Variants in BCL6 observed in about 807,000 individuals in gnomAD.
The protein encoded by BCL6 is BCL6 transcription repressor, also known as B-cell lymphoma 6 protein.
BCL6 carries 7 observed loss-of-function variants against 59.5 expected under a neutral mutation model. The observed-to-expected ratio is 0.12, with a 90% CI of 0.07 to 0.22. BCL6 has a LOEUF of 0.22. Among genes scored for constraint, BCL6 ranks in the 10% least tolerant of loss-of-function variants. BCL6 has a pLI of 1.00. For synonymous variants in BCL6, 339 were observed against 349.7 expected (o/e 0.97, Z 0.34); for missense variants, 685 against 939.4 (o/e 0.73, Z 3.54).
At chr3:187,745,053 A>C in intron 1 of BCL6, among the ~76,000 whole-genome samples, 1 of 151,702 alleles carries the variant, frequency 6.6e-6, no homozygotes, top group East Asian at 1.9e-4. Context: ...CTCCTTTCCA[A>C]AAACCAAAAC....
At chr3:187,744,517 A>G (rs1711787317) in intron 1 of BCL6, among the ~76,000 whole-genome samples, 2 of 151,836 alleles carry the variant, frequency 1.3e-5, no homozygotes, top group South Asian at 2.1e-4. Flanking sequence ...CATTAGGAAG[A>G]TCACGGCTCT....
intron 3 of BCL6, 126 bp downstream of exon 3, chr3:187,733,407 G>C: frequency 8.9e-7 from 1 of 1,125,630 alleles, no homozygotes; most frequent in Non-Finnish European, 1.3e-6. Flanking sequence ...CCATGGTGCT[G>C]AGATCTGGAG....
chr3:187,745,128 A>C (rs533974382), intron 1 of BCL6, among the ~76,000 whole-genome samples: 1 of 152,236 alleles, frequency 6.6e-6, no homozygotes, highest in Non-Finnish European at 1.5e-5. Flanking sequence ...AACAATAATA[A>C]TAATAAATAC....
intron 2 of BCL6, chr3:187,733,913 T>A (rs1880100): frequency 1.7e-6 from 1 of 580,736 alleles, no homozygotes; most frequent in African/African-American, 1.9e-5. Context: ...CAAGTTGGGA[T>A]AGAAAGCCCT....
At position 187,725,816 on chromosome 3, in the gene BCL6, C is replaced by T. The variant is rs575245320; in HGVS notation, c.1709-187G>A. Among the ~76,000 whole-genome samples, 17 of 152,332 alleles carry T rather than the reference C, an allele frequency of 1.1e-4. No homozygotes were observed. The highest frequency in any genetic ancestry group is 2.6e-4 in the African/African-American group (11 of 41,582). On this transcript the variant is annotated intron_variant, in intron 7 of 9. Transcript: ENST00000406870. The surrounding 1 kb of genome is among the most constrained non-coding windows in gnomAD (Gnocchi z 4.7). ...ACATCTGTCAGCCCTCTCTCACACA[C>T]GCACCTGCATACCTCGCAGGGGACC...
chr3:187,728,235 A>T, intron 6 of BCL6, 125 bp downstream of exon 6: 1 of 1,018,392 alleles, frequency 9.8e-7, no homozygotes, highest in Non-Finnish European at 1.4e-6. Context: ...TTGGAGTGCC[A>T]GTGGACTTCC....
At chr3:187,745,266 C>T in intron 1 of BCL6, 144 bp downstream of exon 1, 1 of 397,672 alleles carries the variant, frequency 2.5e-6, no homozygotes, top group East Asian at 3.6e-5. Flanking sequence ...AACTTGGAGC[C>T]AAAGCATTTG....
intron 1 of BCL6, among the ~76,000 whole-genome samples, chr3:187,745,083 A>G (rs571265158): frequency 2.6e-5 from 4 of 152,164 alleles, no homozygotes; most frequent in East Asian, 3.9e-4. Context: ...GAGGGTGGCA[A>G]AAGCCTCCCC....
At chr3:187,723,790 A>G (rs919585436) in intron 9 of BCL6, among the ~76,000 whole-genome samples, 1 of 152,216 alleles carries the variant, frequency 6.6e-6, no homozygotes, top group African/African-American at 2.4e-5. Flanking sequence ...CTCCCTTCTG[A>G]ATGGCCTGGG....
At position 187,741,300 on chromosome 3, in the gene BCL6, T is replaced by C. The variant is rs3172469; in HGVS notation, c.-50+4110A>G. Among the ~76,000 whole-genome samples, 14 of 152,112 alleles carry C rather than the reference T, an allele frequency of 9.2e-5. No individual in the cohort carries two copies. In the East Asian group the frequency reaches 2.7e-3, roughly 29 times the overall value. On this transcript the variant is annotated intron_variant, in intron 1 of 9. Coordinates refer to ENST00000406870, the MANE Select transcript of BCL6 (RefSeq NM_001706.5). The stretch of plus-strand genomic sequence containing the variant: ...CTCCCCCAGCCTCCGAAAAGCTTTA[T>C]GTACTGGGAAGGGAAAGAAGGTGCA...
At chr3:187,743,643 A>T (rs1711705785) in intron 1 of BCL6, among the ~76,000 whole-genome samples, 1 of 152,112 alleles carries the variant, frequency 6.6e-6, no homozygotes, top group Non-Finnish European at 1.5e-5. Flanking sequence ...ACGGCATCAT[A>T]AAGGCAACGC....
rs770894576 is a variant in BCL6 at position 187,731,692 on chromosome 3, C to T, written c.383+17G>A. 2 of 1,612,504 alleles carry T rather than the reference C, an allele frequency of 1.2e-6. No individual in the cohort carries two copies. The highest frequency in any genetic ancestry group is 1.1e-5 in the South Asian group (1 of 91,044). ...ATCTCTTCCATCTCCGACGCTTCCA[C>T]CCGGGTAGCAACTCACCTGGCCTTA... On this transcript the variant is annotated intron_variant, in intron 4 of 9. Transcript: ENST00000406870.
intron 1 of BCL6, 64 bp from the exon 2 acceptor site, chr3:187,734,971 T>G (rs2108473402): frequency 6.5e-6 from 1 of 152,772 alleles, no homozygotes; most frequent in Non-Finnish European, 1.5e-5. Context: ...TCCACTATAG[T>G]CTTATTTTAG....
At chr3:187,724,751 A>T in intron 9 of BCL6, 190 bp downstream of exon 9, 1 of 750,756 alleles carries the variant, frequency 1.3e-6, no homozygotes, top group South Asian at 1.9e-5. Flanking sequence ...AAGGTCAAGC[A>T]GGGTGTCTGG....
At chr3:187,742,005 T>C (rs1016047324) in intron 1 of BCL6, among the ~76,000 whole-genome samples, 2 of 152,128 alleles carry the variant, frequency 1.3e-5, no homozygotes, top group Non-Finnish European at 2.9e-5. Flanking sequence ...AGAACCACGT[T>C]GCCTATTATA....
rs1718627885 is a variant in BCL6 at position 187,725,354 on chromosome 3, C to T, written c.1839+145G>A. 8.1e-6 allele frequency: 12 copies of T among 1,476,754 alleles called. No individual in the cohort carries two copies. In the East Asian group the frequency reaches 2.9e-4, roughly 36 times the overall value. The allele number at this position is 1,476,754 out of a possible 1,614,324, so 91.5% of individuals were successfully genotyped here. ...GCACACGGGGACTGAGTGGGACTTTCTCCTGCCCGCTCTGCTCACCTGCCC... is the reference window on the plus strand; with the variant it reads ...GCACACGGGGACTGAGTGGGACTTTTTCCTGCCCGCTCTGCTCACCTGCCC... On this transcript the variant is annotated intron_variant, in intron 8 of 9. Transcript: ENST00000406870. This position sits in a 1 kb window ranked among gnomAD's most constrained non-coding sequence, Gnocchi z 4.7.
chr3:187,724,121 A>T (rs1405337306), intron 9 of BCL6, among the ~76,000 whole-genome samples: 1 of 152,214 alleles, frequency 6.6e-6, no homozygotes, highest in East Asian at 1.9e-4. Context: ...TTAACCATTC[A>T]TTGATTACTT....
chr3:187,736,173 A>G (rs1405674545), intron 1 of BCL6: 1 of 152,176 alleles, frequency 6.6e-6, no homozygotes, highest in Non-Finnish European at 1.5e-5. Flanking sequence ...AGTGCCAGTC[A>G]CTCAATCCCA....
chr3:187,735,978 A>C (rs2108474373), intron 1 of BCL6: 1 of 152,328 alleles, frequency 6.6e-6, no homozygotes, highest in African/African-American at 2.4e-5. Context: ...TTTCCAAATC[A>C]GCCTACGTGC....
Sources: gnomAD v4.1 joint callset for allele counts (sites outside exome capture counted in the v4.1 genomes callset) on GRCh38, gnomAD v4.1.1 for gene constraint, Gnocchi (gnomAD v3.1) non-coding constraint, MANE v1.5 for transcripts, NCBI Gene and HGNC (gene_info 2026-07-23, HGNC 2026-07-21) for gene names.